FSIP2: variants seen among roughly 807,000 people sequenced by gnomAD.
The protein encoded by FSIP2 is fibrous sheath interacting protein 2.
Under a neutral mutation model 510.5 loss-of-function variants are expected in FSIP2, and 367 were observed. The observed-to-expected ratio is 0.72, with a 90% CI of 0.66 to 0.78. The LOEUF (loss-of-function observed/expected upper bound fraction) is 0.78. Among genes scored for constraint, FSIP2 ranks in the 30% least tolerant of loss-of-function variants. The pLI is 0.00. For synonymous variants in FSIP2, 2,601 were observed against 2,732.2 expected (o/e 0.95, Z 1.50); for missense variants, 7,594 against 7,901.7 (o/e 0.96, Z 1.48).
chr2:185,824,454 C>A lies in FSIP2; in HGVS notation c.20447C>A (p.Ser6816Ter). ...TTTAGTGAGGCTGAAGATTGTCACT[C>A]AGACCCAAGTGCTAAAATATTAGAA... is the stretch of plus-strand genomic sequence containing the variant. ...SSTGEAEDCH[S>*]DPSAKILEES... Residue 6816 changes from serine to a stop codon, truncating the protein, a stop_gained, in exon 20 of 23, where the codon TCA becomes TAA. Transcript: ENST00000424728. LOFTEE classifies it high-confidence loss of function. 1 of 1,592,508 alleles carries A rather than the reference C, an allele frequency of 6.3e-7. No homozygotes were observed. The highest frequency in any genetic ancestry group is 8.6e-7 in the Non-Finnish European group (1 of 1,167,418).
rs1231190364 is a variant in FSIP2, at chr2:185,800,619, T to C, written c.11313T>C (p.Thr3771=). The part of the protein sequence containing the change: ...IRILLEECTS[T]AFPDKGSVSE... Reference sequence around the variant, plus strand: ...TACTTTTGGAAGAATGCACAAGCACTGCTTTTCCTGATAAAGGGTCTGTTT... The same window carrying C: ...TACTTTTGGAAGAATGCACAAGCACCGCTTTTCCTGATAAAGGGTCTGTTT... The change falls in exon 17 of 23, where the codon ACT becomes ACC. Residue 3771 remains threonine (T), a synonymous_variant. Coordinates refer to ENST00000424728, the MANE Select transcript of FSIP2 (RefSeq NM_173651.4). The C allele has an allele frequency of 1.3e-6, 2 of 1,533,368 alleles. No individual in the cohort carries two copies. Among genetic ancestry groups the C allele is most frequent in the Non-Finnish European group, 8.7e-7 (1 of 1,145,538 alleles). The allele number at this position is 1,533,368 out of a possible 1,614,324, so 95.0% of individuals were successfully genotyped here. A position where few individuals can be genotyped will look rare whatever the true frequency, so the allele number is the denominator to read the frequency against.
Position 185,791,504 on chromosome 2 carries a change from A to G in FSIP2, c.4368A>G (p.Leu1456=). 2 of 1,534,432 alleles carry G rather than the reference A, an allele frequency of 1.3e-6. No homozygotes were observed. Among genetic ancestry groups the G allele is most frequent in the South Asian group, 2.4e-5 (2 of 84,030 alleles). Reference sequence around the variant, plus strand: ...TGGGGACCCATCTTCATTCTCAGCTATCTTGTAGTCAACAAAGCAGAGAGA... The same window carrying G: ...TGGGGACCCATCTTCATTCTCAGCTGTCTTGTAGTCAACAAAGCAGAGAGA... ...KLLGTHLHSQ[L]SCSQQSREMT... The change falls in exon 16 of 23, where the codon CTA becomes CTG. Residue 1456 remains leucine, a synonymous_variant. Transcript: ENST00000424728.
upstream of FSIP2, among the ~76,000 whole-genome samples, chr2:185,737,989 A>G (rs984928464): frequency 2.6e-5 from 4 of 152,228 alleles, no homozygotes; most frequent in Admixed American, 6.5e-5. Context: ...TTGGCACAGT[A>G]TATGGAAGTT....
chr2:185,790,541 T>G lies in FSIP2; in HGVS notation c.3405T>G (p.Ser1135Arg). Residue 1135 changes from serine (S) to arginine (R), a missense_variant, in exon 16 of 23, where the codon AGT becomes AGG. By Grantham distance (110) the Ser-to-Arg change is moderately radical. Transcript: ENST00000424728. ...PFGHLDSKTGSEASVLVSEKP... is the reference protein window; with the variant it reads ...PFGHLDSKTGREASVLVSEKP... ...GTCACTTAGACAGCAAAACTGGCAG[T>G]GAAGCTTCAGTTCTTGTTTCAGAAA... The G allele has an allele frequency of 6.5e-7, 1 of 1,534,044 alleles. No individual in the cohort carries two copies. The highest frequency in any genetic ancestry group is 8.7e-7 in the Non-Finnish European group (1 of 1,145,570).
intron 9 of FSIP2, 71 bp from the exon 10 acceptor site, chr2:185,760,915 TAC>T: frequency 2.0e-6 from 1 of 489,874 alleles, no homozygotes; most frequent in Non-Finnish European, 3.4e-6. Context: ...CAATTTATTG[TAC>T]TTTGATTGTA....
intron 19 of FSIP2, among the ~76,000 whole-genome samples, chr2:185,823,539 A>T (rs1693963647): frequency 6.6e-6 from 1 of 151,574 alleles, no homozygotes; most frequent in Non-Finnish European, 1.5e-5. Flanking sequence ...TAACTAAAGA[A>T]GGGAGGGAGG....
intron 7 of FSIP2, among the ~76,000 whole-genome samples, chr2:185,749,034 C>A (rs143461393): frequency 6.6e-6 from 1 of 152,070 alleles, no homozygotes; most frequent in Non-Finnish European, 1.5e-5. Flanking sequence ...TATTCTTTGA[C>A]CTATTTGTTT....
chr2:185,791,989 G>A lies in FSIP2; in HGVS notation c.4853G>A (p.Gly1618Asp), dbSNP rs1006103916. The A allele has an allele frequency of 1.2e-5, 19 of 1,533,716 alleles. No homozygotes were observed. The highest frequency in any genetic ancestry group is 1.6e-5 in the Non-Finnish European group (18 of 1,145,366). Residue 1618 changes from glycine to aspartate, a missense_variant, in exon 16 of 23, where the codon GGC (glycine) becomes GAC (aspartate). Transcript: ENST00000424728. ...NDGNKKSNKIGWEYESTNISR... is the reference protein window; with the variant it reads ...NDGNKKSNKIDWEYESTNISR... ...GGAAATAAGAAAAGCAATAAGATAG[G>A]CTGGGAATATGAAAGCACCAATATT...
At chr2:185,759,206 T>A (rs1692302173) in intron 9 of FSIP2, among the ~76,000 whole-genome samples, 1 of 150,806 alleles carries the variant, frequency 6.6e-6, no homozygotes. Context: ...TTTTTCTTAG[T>A]TCACTAAGAA....
Position 185,753,858 on chromosome 2 carries a change from T to G in FSIP2, c.991+16T>G. ...GGAACACATGGTGAATGTGAGAACA[T>G]TAAAAGATGATGTAGCTAAGTAGAA... On this transcript the variant is annotated intron_variant, in intron 8 of 22. Transcript: ENST00000424728. 1 of 1,431,974 alleles carries G rather than the reference T, an allele frequency of 7.0e-7. No individual in the cohort carries two copies. Among genetic ancestry groups the G allele is most frequent in the Non-Finnish European group, 9.1e-7 (1 of 1,096,256 alleles). The allele number at this position is 1,431,974 out of a possible 1,614,324, so 88.7% of individuals were successfully genotyped here. A position where few individuals can be genotyped will look rare whatever the true frequency, so the allele number is the denominator to read the frequency against.
intron 7 of FSIP2, among the ~76,000 whole-genome samples, chr2:185,751,542 G>A (rs1335566795): frequency 1.3e-5 from 2 of 148,628 alleles, no homozygotes; most frequent in African/African-American, 4.9e-5. Flanking sequence ...TATCAAATCT[G>A]ACAACCGCCT....
At position 185,791,231 on chromosome 2, in the gene FSIP2, G is replaced by A; in HGVS notation, c.4095G>A (p.Leu1365=). 1 of 1,533,722 alleles carries A rather than the reference G, an allele frequency of 6.5e-7. No homozygotes were observed. Among genetic ancestry groups the A allele is most frequent in the Non-Finnish European group, 8.7e-7 (1 of 1,145,252 alleles). ...SPLLTCIYDM[L]LSSENAHQRS... ...TATTAACCTGTATTTATGATATGTT[G>A]TTATCAAGTGAAAATGCACATCAAA... Residue 1365 remains leucine (L), a synonymous_variant, in exon 16 of 23, where the codon TTG becomes TTA. Transcript: ENST00000424728.
Position 185,828,138 on chromosome 2 carries a change from T to C in FSIP2, c.20474-18T>C. On this transcript the variant is annotated intron_variant, in intron 20 of 22. Transcript: ENST00000424728. ...TCAGAAAGAGACTATTTTACTTTTT[T>C]TTTTTTAATCTCTACAGAAAGTTCT... 1.4e-6 allele frequency: 2 copies of C among 1,474,628 alleles called. No homozygotes were observed. Among genetic ancestry groups the C allele is most frequent in the Non-Finnish European group, 1.9e-6 (2 of 1,062,006 alleles). The allele number at this position is 1,474,628 out of a possible 1,614,324, so 91.3% of individuals were successfully genotyped here. A position where few individuals can be genotyped will look rare whatever the true frequency, so the allele number is the denominator to read the frequency against.
chr2:185,739,286 T>C (rs1374708566), intron 1 of FSIP2, 60 bp from the exon 2 acceptor site: 1 of 1,459,398 alleles, frequency 6.9e-7, no homozygotes, highest in Non-Finnish European at 9.0e-7. Context: ...AGTAGATTGG[T>C]CTAAACTAAA....
chr2:185,780,519 A>C (rs1692824986), intron 13 of FSIP2, among the ~76,000 whole-genome samples: 2 of 151,652 alleles, frequency 1.3e-5, no homozygotes, highest in Admixed American at 1.3e-4. Flanking sequence ...ATATTTTTAA[A>C]TTTGGACTTC....
intron 13 of FSIP2, among the ~76,000 whole-genome samples, chr2:185,772,952 C>T (rs374935853): frequency 6.6e-6 from 1 of 152,066 alleles, no homozygotes; most frequent in Non-Finnish European, 1.5e-5. Flanking sequence ...TCTCCACATC[C>T]TAGGCTCAAG....
Position 185,808,653 on chromosome 2 carries a change from C to T in FSIP2, c.19347C>T (p.Ala6449=), listed in dbSNP as rs767481153. Residue 6449 remains alanine (A), a synonymous_variant, in exon 17 of 23, where the codon GCC becomes GCT. Transcript: ENST00000424728. ...ATGATATAAAAGATACAAATACAGC[C>T]TTTCCTAAAAAAGTGGCTAGTTTAA... ...FYYDIKDTNT[A]FPKKVASLII... 2 of 1,605,562 alleles carry T rather than the reference C, an allele frequency of 1.2e-6. No individual in the cohort carries two copies. The highest frequency in any genetic ancestry group is 1.7e-6 in the Non-Finnish European group (2 of 1,176,456).
intron 2 of FSIP2, among the ~76,000 whole-genome samples, chr2:185,740,706 G>A (rs1033805761): frequency 6.6e-6 from 1 of 151,998 alleles, no homozygotes; most frequent in Non-Finnish European, 1.5e-5. Flanking sequence ...TTCTCGTGGG[G>A]GTCCTTTGAA....
intron 9 of FSIP2, among the ~76,000 whole-genome samples, chr2:185,759,268 A>G (rs1692303097): frequency 6.6e-6 from 1 of 150,616 alleles, no homozygotes; most frequent in Admixed American, 6.7e-5. Flanking sequence ...TGTGACTTTG[A>G]CATAATCACA....
Sources: allele counts gnomAD v4.1 joint callset (sites outside exome capture counted in the v4.1 genomes callset), GRCh38; gene constraint gnomAD v4.1.1; transcripts MANE v1.5; gene names NCBI Gene and HGNC (gene_info 2026-07-23, HGNC 2026-07-21).